Variants in IGSF21 observed in about 807,000 individuals in gnomAD.
IGSF21 encodes immunoglobulin superfamily member 21.
IGSF21 carries 28 observed loss-of-function variants against 46.8 expected under a neutral mutation model. That is an observed-to-expected ratio of 0.60 (90% CI 0.44 to 0.82). The LOEUF is 0.82. IGSF21 is among the 40% of genes least tolerant of loss of function. IGSF21 has a pLI of 0.00. For synonymous variants in IGSF21, 284 were observed against 273.6 expected (o/e 1.04, Z -0.38); for missense variants, 624 against 665.5 (o/e 0.94, Z 0.69).
intron 1 of IGSF21, among the ~76,000 whole-genome samples, chr1:18,141,001 A>G (rs1028519031): frequency 4.6e-5 from 7 of 152,188 alleles, no homozygotes; most frequent in Non-Finnish European, 1.0e-4. Flanking sequence ...ACGTGGCACA[A>G]TGAGGGCTTA....
chr1:18,325,266 G>A (rs1434678246), intron 3 of IGSF21, among the ~76,000 whole-genome samples: 1 of 152,152 alleles, frequency 6.6e-6, no homozygotes, highest in Non-Finnish European at 1.5e-5. Context: ...TCCATTCAAC[G>A]ATATTCATTA....
At position 18,356,530 on chromosome 1, in the gene IGSF21, C is replaced by T. The variant is rs532159938; in HGVS notation, c.425-5585C>T. On this transcript the variant is annotated intron_variant, in intron 4 of 9. Coordinates refer to ENST00000251296, the MANE Select transcript of IGSF21 (RefSeq NM_032880.5). ...CACCTTACACTGCTCATTCTGTTAC[C>T]TGACTTTGTATTTGGGATTATTCTG... is the stretch of plus-strand genomic sequence containing the variant. 2.5e-4 allele frequency among the ~76,000 whole-genome samples: 38 copies of T among 152,316 alleles called. 1 individual carries two copies. The highest frequency in any genetic ancestry group is 8.7e-4 in the African/African-American group (36 of 41,566).
At chr1:18,186,969 C>G (rs917028446) in intron 1 of IGSF21, among the ~76,000 whole-genome samples, 1 of 152,212 alleles carries the variant, frequency 6.6e-6, no homozygotes, top group African/African-American at 2.4e-5. Flanking sequence ...TTGTAACCAT[C>G]ATCCCTCCTG....
chr1:18,229,417 C>G (rs954017253), intron 2 of IGSF21, among the ~76,000 whole-genome samples: 1 of 152,198 alleles, frequency 6.6e-6, no homozygotes, highest in African/African-American at 2.4e-5. Context: ...TGCTCTTGGT[C>G]CAGGTGAGCT....
chr1:18,165,839 A>G (rs2086673703), intron 1 of IGSF21, among the ~76,000 whole-genome samples: 1 of 152,216 alleles, frequency 6.6e-6, no homozygotes, highest in South Asian at 2.1e-4. Context: ...AAGTGTTTTT[A>G]TCTTTCTCAG....
chr1:18,134,443 C>T (rs1284670613), intron 1 of IGSF21, among the ~76,000 whole-genome samples: 1 of 152,160 alleles, frequency 6.6e-6, no homozygotes, highest in African/African-American at 2.4e-5. Flanking sequence ...TTCTCTGTGA[C>T]CAGCTTTGAT....
At chr1:18,183,415 A>G (rs760495066) in intron 1 of IGSF21, among the ~76,000 whole-genome samples, 1 of 152,198 alleles carries the variant, frequency 6.6e-6, no homozygotes, top group Admixed American at 6.5e-5. Context: ...AATGAATGCA[A>G]GTAGATAGGA....
chr1:18,308,557 T>G (rs1234165336), intron 3 of IGSF21, among the ~76,000 whole-genome samples: 1 of 152,202 alleles, frequency 6.6e-6, no homozygotes, highest in Non-Finnish European at 1.5e-5. Context: ...TCATGCCCCA[T>G]GTCCCATTTT....
intron 2 of IGSF21, among the ~76,000 whole-genome samples, chr1:18,261,448 C>A (rs1366150036): frequency 6.6e-6 from 1 of 152,218 alleles, no homozygotes; most frequent in East Asian, 1.9e-4. Context: ...TTTACCATTG[C>A]CATGCCAACA....
At position 18,365,390 on chromosome 1, in the gene IGSF21, C is replaced by A; in HGVS notation, c.708C>A (p.Asn236Lys). The change falls in exon 6 of 10, where the codon AAC becomes AAA. Residue 236 changes from asparagine (N) to lysine (K), a missense_variant. Transcript: ENST00000251296. This position sits in a 1 kb window ranked among gnomAD's most constrained non-coding sequence, Gnocchi z 4.8. ...CACTGTCCCTCCTGGACGCCGAGAACCGGGGTGGGCGACCCTACACGGAGC... is the reference window on the plus strand; with the variant it reads ...CACTGTCCCTCCTGGACGCCGAGAAACGGGGTGGGCGACCCTACACGGAGC... ...QKSLSLLDAE[N>K]RGGRPYTERP... is the part of the protein sequence containing the mutation. The A allele has an allele frequency of 1.2e-6, 2 of 1,614,054 alleles. No individual in the cohort carries two copies. Among genetic ancestry groups the A allele is most frequent in the Non-Finnish European group, 1.7e-6 (2 of 1,180,022 alleles).
intron 1 of IGSF21, among the ~76,000 whole-genome samples, chr1:18,198,822 G>T (rs757381779): frequency 6.6e-6 from 1 of 152,130 alleles, no homozygotes; most frequent in Non-Finnish European, 1.5e-5. Context: ...GTGTTTTGAG[G>T]ATCTAATAAG....
intron 2 of IGSF21, among the ~76,000 whole-genome samples, chr1:18,270,098 C>T (rs923030180): frequency 6.6e-6 from 1 of 152,186 alleles, no homozygotes; most frequent in African/African-American, 2.4e-5. Flanking sequence ...TGCACTTACA[C>T]TGGCTGACTC....
chr1:18,192,626 GCTAAGATTTGAGT>G (rs1356771813), intron 1 of IGSF21, among the ~76,000 whole-genome samples: 7 of 152,158 alleles, frequency 4.6e-5, no homozygotes, highest in Non-Finnish European at 1.0e-4. Context: ...CTATGGCTGA[GCTAAGATTTGAGT>G]CTGTGTGCTG....
At chr1:18,339,470 A>G (rs143238903) in intron 4 of IGSF21, among the ~76,000 whole-genome samples, 125 of 152,302 alleles carry the variant, frequency 8.2e-4, no homozygotes, top group African/African-American at 2.9e-3. Context: ...GGTGGCTCAC[A>G]TGTCTAATCC....
chr1:18,245,463 C>A (rs560516679), intron 2 of IGSF21, among the ~76,000 whole-genome samples: 1 of 152,152 alleles, frequency 6.6e-6, no homozygotes, highest in South Asian at 2.1e-4. Flanking sequence ...TAAATGGGAT[C>A]TTTTTCATTG....
intron 3 of IGSF21, among the ~76,000 whole-genome samples, chr1:18,313,858 C>T (rs1486087453): frequency 6.6e-6 from 1 of 152,194 alleles, no homozygotes; most frequent in African/African-American, 2.4e-5. Context: ...TGCTGGGACC[C>T]AGAGCCCTGG....
chr1:18,369,536 C>T (rs369352591), intron 6 of IGSF21, among the ~76,000 whole-genome samples: 7 of 152,182 alleles, frequency 4.6e-5, no homozygotes, highest in Admixed American at 2.0e-4. Context: ...TGTGGTGAGA[C>T]GTCACTGAGC....
At chr1:18,328,253 C>G (rs545649529) in intron 3 of IGSF21, among the ~76,000 whole-genome samples, 1 of 152,344 alleles carries the variant, frequency 6.6e-6, no homozygotes, top group Non-Finnish European at 1.5e-5. Flanking sequence ...CATGGCTTAG[C>G]GCCTAACCTA....
At chr1:18,155,590 C>G (rs575147803) in intron 1 of IGSF21, among the ~76,000 whole-genome samples, 5 of 152,218 alleles carry the variant, frequency 3.3e-5, no homozygotes, top group Non-Finnish European at 2.9e-5. Flanking sequence ...TGCAGGGCCC[C>G]GGGTGCCCAA....
Sources: allele counts gnomAD v4.1 joint callset (sites outside exome capture counted in the v4.1 genomes callset), GRCh38; gene constraint gnomAD v4.1.1; non-coding constraint Gnocchi (gnomAD v3.1); transcripts MANE v1.5; gene names NCBI Gene and HGNC (gene_info 2026-07-23, HGNC 2026-07-21).